Variants in RGPD1 observed in about 807,000 individuals in gnomAD.
The protein encoded by RGPD1 is RANBP2 like and GRIP domain containing 1.
Under a neutral mutation model 40.6 loss-of-function variants are expected in RGPD1, and 7 were observed. That is an observed-to-expected ratio of 0.17 (90% confidence interval 0.10 to 0.32). The LOEUF is 0.32. Ranked by LOEUF, RGPD1 falls within the 10% of genes least tolerant of loss-of-function variation. RGPD1 has a pLI of 1.00. For synonymous variants in RGPD1, 24 were observed against 167.0 expected, an observed-to-expected ratio of 0.14 and a Z score of 6.60; for missense variants, 50 against 472.5, an observed-to-expected ratio of 0.11 and a Z score of 8.29.
At chr2:86,955,975 T>TC (rs142632875) in intron 4 of RGPD1, among the ~76,000 whole-genome samples, 1,891 of 151,342 alleles carry the variant, frequency 0.012, 33 homozygotes, top group Non-Finnish European at 0.02. Context: ...TTAAAGATTT[T>TC]CTTTAATAAC....
chr2:86,924,991 C>T (rs1203927558), intron 1 of RGPD1, among the ~76,000 whole-genome samples: 8 of 151,798 alleles, frequency 5.3e-5, no homozygotes, highest in African/African-American at 1.9e-4. Flanking sequence ...CATGATGGCG[C>T]ATAACCTGTA....
rs1280333724 is a variant in RGPD1, at chr2:86,931,493, G to A, written c.72+17572G>A. On this transcript the variant is annotated intron_variant, in intron 1 of 22. Coordinates refer to the RGPD1 transcript ENST00000398193. Reference sequence around the variant, plus strand: ...GGTGGTATTTGACTGCTGCTGATGTGTACCAACCAAGACAGTAGTCATTAA... The same window carrying A: ...GGTGGTATTTGACTGCTGCTGATGTATACCAACCAAGACAGTAGTCATTAA... Among the ~76,000 whole-genome samples the A allele has an allele frequency of 6.6e-5, 10 of 151,614 alleles. No individual in the cohort carries two copies. In the South Asian group the frequency reaches 2.1e-3, roughly 32 times the overall value.
intron 1 of RGPD1, among the ~76,000 whole-genome samples, chr2:86,942,850 C>T (rs531393373): frequency 5.9e-5 from 9 of 152,082 alleles, no homozygotes; most frequent in Middle Eastern, 3.4e-3. Flanking sequence ...CTGGGGGGAC[C>T]GCGGTGGGCG....
intron 1 of RGPD1, among the ~76,000 whole-genome samples, chr2:86,918,454 T>TTA (rs1491421138): frequency 1.0e-4 from 4 of 38,776 alleles, no homozygotes; most frequent in African/African-American, 4.0e-4. Context: ...ACACCAAATC[T>TTA]TTTTTTTTTT....
chr2:86,920,180 G>A (rs1678047308), intron 1 of RGPD1, among the ~76,000 whole-genome samples: 1 of 151,816 alleles, frequency 6.6e-6, no homozygotes, highest in African/African-American at 2.4e-5. Flanking sequence ...AGCGATTCTT[G>A]TGCCTCAGCC....
chr2:86,988,533 T>C (rs1249205950), intron 20 of RGPD1, among the ~76,000 whole-genome samples: 1 of 81,444 alleles, frequency 1.2e-5, no homozygotes, highest in Non-Finnish European at 2.6e-5. Context: ...GCTCATGTAT[T>C]AAATGAGCAA....
At chr2:86,944,189 G>A (rs1158827813) in intron 1 of RGPD1, among the ~76,000 whole-genome samples, 1 of 152,156 alleles carries the variant, frequency 6.6e-6, no homozygotes, top group Non-Finnish European at 1.5e-5. Context: ...GAAATAGGTA[G>A]TGCAGCAGAA....
chr2:86,939,339 G>A (rs1383242655), upstream of RGPD1, among the ~76,000 whole-genome samples: 2 of 148,192 alleles, frequency 1.3e-5, no homozygotes, highest in Non-Finnish European at 3.0e-5. Context: ...AGCACTTTGG[G>A]AGGCTGAGGA....
intron 1 of RGPD1, among the ~76,000 whole-genome samples, chr2:86,919,607 T>G (rs904770824): frequency 9.2e-6 from 1 of 108,700 alleles, no homozygotes; most frequent in Non-Finnish European, 1.7e-5. Context: ...GTGTTTGCAC[T>G]TGCCATTACC....
At chr2:86,925,471 T>C (rs1466911497) in intron 1 of RGPD1, among the ~76,000 whole-genome samples, 4 of 151,724 alleles carry the variant, frequency 2.6e-5, no homozygotes, top group African/African-American at 9.7e-5. Context: ...TTTCACCATG[T>C]TGGACAGGCT....
In RGPD1 at chr2:86,986,885, CTGT is replaced by C. The variant is rs904216205; in HGVS notation, c.3991_3993del (p.Val1331del). On this transcript the variant is annotated inframe_deletion, in exon 20 of 23. Transcript: ENST00000641458. ...GAGAGAGATGGACAGTACTTTGAAC[CTGT>C]TGTTCCTTTACCTGATCTAGTTGAA... The C allele has an allele frequency of 1.9e-6, 3 of 1,576,322 alleles. No individual in the cohort carries two copies. Among genetic ancestry groups the C allele is most frequent in the Non-Finnish European group, 2.6e-6 (3 of 1,172,324 alleles).
At chr2:86,945,782 CAGG>C (rs1404189735) in intron 1 of RGPD1, among the ~76,000 whole-genome samples, 14 of 147,510 alleles carry the variant, frequency 9.5e-5, no homozygotes, top group African/African-American at 2.8e-4. Flanking sequence ...TAGGCTGAGA[CAGG>C]AGAATTGCTT....
chr2:86,964,047 CTTTT>C (rs558107405), intron 7 of RGPD1, among the ~76,000 whole-genome samples: 1 of 52,370 alleles, frequency 1.9e-5, no homozygotes, highest in Non-Finnish European at 3.4e-5. Flanking sequence ...CGTGCCTGGC[CTTTT>C]TTTTTTTTTG....
chr2:86,931,516 T>C (rs909019262), intron 1 of RGPD1, among the ~76,000 whole-genome samples: 1 of 151,868 alleles, frequency 6.6e-6, no homozygotes, highest in Non-Finnish European at 1.5e-5. Flanking sequence ...CAGTAGTCAT[T>C]AAGTGACTAA....
upstream of RGPD1, among the ~76,000 whole-genome samples, chr2:86,938,484 T>A (rs148522467): frequency 7.6e-3 from 1,009 of 132,454 alleles, 1 homozygote; most frequent in East Asian, 0.075. Context: ...AAGAGAACTA[T>A]ACATATGCTA....
chr2:86,971,038 C>CT (rs576898201), intron 8 of RGPD1, among the ~76,000 whole-genome samples: 12 of 24,616 alleles, frequency 4.9e-4, no homozygotes, highest in Non-Finnish European at 4.5e-4. Flanking sequence ...GGAAATAATT[C>CT]TTTTTTTTTT....
chr2:86,962,350 A>T (rs1411121933), intron 6 of RGPD1, among the ~76,000 whole-genome samples: 1 of 101,298 alleles, frequency 9.9e-6, no homozygotes, highest in Admixed American at 9.2e-5. Context: ...CTAAAAATAT[A>T]AAAAAAGTTT....
intron 22 of RGPD1, chr2:87,011,146 C>T: frequency 2.4e-6 from 1 of 408,926 alleles, no homozygotes; most frequent in Admixed American, 2.5e-5. Context: ...GCACCAGGGC[C>T]CCTGCGCATC....
intron 22 of RGPD1, among the ~76,000 whole-genome samples, chr2:87,007,026 GCTAA>G (rs1352006409): frequency 5.3e-5 from 1 of 18,862 alleles, no homozygotes. Flanking sequence ...TTATTTGGGG[GCTAA>G]CTAAGCTCCT....
Sources: gnomAD v4.1 joint callset for allele counts (sites outside exome capture counted in the v4.1 genomes callset) on GRCh38, gnomAD v4.1.1 for gene constraint, MANE v1.5 for transcripts, NCBI Gene and HGNC (gene_info 2026-07-23, HGNC 2026-07-21) for gene names.